The following ARHGAP32 variants were observed in gnomAD, a reference collection of about 807,000 sequenced individuals.
The protein encoded by ARHGAP32 is rho GTPase-activating protein 32.
In ARHGAP32, 51 loss-of-function variants were observed where a neutral mutation model predicts 186.5. The observed-to-expected ratio is 0.27, with a 90% CI of 0.22 to 0.35. The LOEUF (loss-of-function observed/expected upper bound fraction) is 0.35, where lower values mean the gene tolerates loss of function less well. ARHGAP32 is among the 10% of genes least tolerant of loss of function. The pLI, the probability that ARHGAP32 is intolerant of heterozygous loss-of-function variation, is 1.00. For missense variants in ARHGAP32, 2,186 were observed against 2,623.5 expected, an observed-to-expected ratio of 0.83 and a Z score of 3.64; for synonymous variants, 950 against 964.3, an observed-to-expected ratio of 0.99 and a Z score of 0.27.
intron 3 of ARHGAP32, among the ~76,000 whole-genome samples, chr11:129,124,364 G>A (rs148485758): frequency 4.2e-4 from 64 of 152,218 alleles, no homozygotes; most frequent in Non-Finnish European, 8.5e-4. Flanking sequence ...GAGCACTTTG[G>A]ATTTCATAGC....
intron 11 of ARHGAP32, among the ~76,000 whole-genome samples, chr11:129,013,343 T>A (rs1374229852): frequency 6.6e-6 from 1 of 152,188 alleles, no homozygotes; most frequent in Non-Finnish European, 1.5e-5. Context: ...ACATCTAAAC[T>A]GGGTGTGTGA....
intron 10 of ARHGAP32, among the ~76,000 whole-genome samples, chr11:129,061,532 A>G (rs980279252): frequency 6.6e-6 from 1 of 152,200 alleles, no homozygotes; most frequent in Non-Finnish European, 1.5e-5. Flanking sequence ...ATTAAGTCAA[A>G]TAAGGATTAC....
At chr11:129,135,087 T>A (rs1942904819) in intron 2 of ARHGAP32, among the ~76,000 whole-genome samples, 1 of 152,196 alleles carries the variant, frequency 6.6e-6, no homozygotes, top group South Asian at 2.1e-4. Context: ...CACATGTGCC[T>A]CATTTGCATA....
At chr11:129,250,179 T>G (rs1405734605) in intron 1 of ARHGAP32, among the ~76,000 whole-genome samples, 4 of 152,134 alleles carry the variant, frequency 2.6e-5, no homozygotes, top group African/African-American at 4.8e-5. Context: ...ATCACACCAC[T>G]GCACTCCAGC....
rs765032782 is a variant in ARHGAP32 at position 128,974,222 on chromosome 11, T to C, written c.2975A>G (p.Asp992Gly). 8.7e-6 allele frequency: 14 copies of C among 1,614,082 alleles called. No individual in the cohort carries two copies. Among genetic ancestry groups the C allele is most frequent in the Non-Finnish European group, 1.1e-5 (13 of 1,180,046 alleles). ...EAYESEVQPLDQVAAEEVELP... is the reference protein window; with the variant it reads ...EAYESEVQPLGQVAAEEVELP... Reference sequence around the variant, plus strand: ...TTCTACTTCTTCAGCAGCCACCTGGTCCAGGGGCTGGACTTCAGATTCATA... The same window carrying C: ...TTCTACTTCTTCAGCAGCCACCTGGCCCAGGGGCTGGACTTCAGATTCATA... Residue 992 changes from aspartate to glycine, a missense_variant, in exon 21 of 23, where the codon GAC (aspartate) becomes GGC (glycine). Asp to Gly is a moderately conservative substitution (Grantham distance 94, BLOSUM62 -1). Coordinates refer to ENST00000682385, the MANE Select transcript of ARHGAP32 (RefSeq NM_001378024.1).
chr11:129,133,248 A>C (rs1438208254), intron 2 of ARHGAP32, among the ~76,000 whole-genome samples: 3 of 152,232 alleles, frequency 2.0e-5, no homozygotes, highest in Non-Finnish European at 4.4e-5. Flanking sequence ...AAAGACTGAC[A>C]AAATATGAAC....
chr11:129,011,137 T>C (rs141536361), intron 11 of ARHGAP32, among the ~76,000 whole-genome samples: 3 of 152,328 alleles, frequency 2.0e-5, no homozygotes, highest in Non-Finnish European at 4.4e-5. Context: ...AATACGGATA[T>C]AGCCAGCATT....
intron 11 of ARHGAP32, among the ~76,000 whole-genome samples, chr11:129,010,817 C>G (rs561108356): frequency 1.3e-5 from 2 of 152,130 alleles, no homozygotes; most frequent in East Asian, 3.9e-4. Flanking sequence ...AGATTTTGTC[C>G]AAAACTTCCA....
intron 5 of ARHGAP32, among the ~76,000 whole-genome samples, chr11:129,114,619 T>C (rs1942314448): frequency 6.6e-6 from 1 of 152,148 alleles, no homozygotes; most frequent in African/African-American, 2.4e-5. Context: ...CTATACACTA[T>C]GAAGGACTGA....
At position 129,226,212 on chromosome 11, in the gene ARHGAP32, G is replaced by A. The variant is rs1944779928; in HGVS notation, c.-5+52934C>T. Among the ~76,000 whole-genome samples, 4 of 152,130 alleles carry A rather than the reference G, an allele frequency of 2.6e-5. No homozygotes were observed. The South Asian group carries it at 8.3e-4, about 31-fold the overall frequency. On this transcript the variant is annotated intron_variant, in intron 1 of 6. Coordinates refer to the ARHGAP32 transcript ENST00000525234. The stretch of plus-strand genomic sequence containing the variant: ...TGAGAGGGGAGGAGAGAAAGGAACA[G>A]AAGGACTATTTAAAGAAATCATGGC...
chr11:129,244,245 A>C (rs963330365), intron 1 of ARHGAP32, among the ~76,000 whole-genome samples: 4 of 152,236 alleles, frequency 2.6e-5, no homozygotes, highest in African/African-American at 9.6e-5. Flanking sequence ...GAAAAAAAGA[A>C]AGAAAACTGA....
intron 1 of ARHGAP32, among the ~76,000 whole-genome samples, chr11:129,248,212 CA>C (rs61454534): frequency 0.37 from 44,832 of 121,998 alleles, 6,983 homozygotes; most frequent in Middle Eastern, 0.5. Context: ...TTGGCTGTCT[CA>C]AAAAAAAAAA....
chr11:129,265,838 A>G (rs1396892341), intron 1 of ARHGAP32, among the ~76,000 whole-genome samples: 2 of 152,192 alleles, frequency 1.3e-5, no homozygotes, highest in Non-Finnish European at 2.9e-5. Flanking sequence ...TGAGGTGACC[A>G]TTTCACACAT....
chr11:129,063,836 A>G, intron 9 of ARHGAP32, 66 bp downstream of exon 9: 1 of 1,509,366 alleles, frequency 6.6e-7, no homozygotes, highest in Non-Finnish European at 8.9e-7. Flanking sequence ...ATGGTTAAGA[A>G]CAGTCAAAGA....
At chr11:129,262,455 C>T (rs926975511) in intron 1 of ARHGAP32, among the ~76,000 whole-genome samples, 7 of 151,810 alleles carry the variant, frequency 4.6e-5, no homozygotes, top group African/African-American at 1.2e-4. Flanking sequence ...GCAATCTTGG[C>T]TCACCGCAGC....
At chr11:129,026,134 C>T (rs1001583583) in intron 11 of ARHGAP32, among the ~76,000 whole-genome samples, 2 of 151,962 alleles carry the variant, frequency 1.3e-5, no homozygotes, top group African/African-American at 4.8e-5. Flanking sequence ...GGAGTAAGGT[C>T]TGCATCTAGT....
intron 1 of ARHGAP32, among the ~76,000 whole-genome samples, chr11:129,250,632 T>C (rs1945169082): frequency 6.6e-6 from 1 of 152,300 alleles, no homozygotes; most frequent in Admixed American, 6.5e-5. Context: ...CCTCCTACCA[T>C]CCAAAGTGAA....
chr11:129,167,486 T>C (rs1039875961), intron 1 of ARHGAP32, among the ~76,000 whole-genome samples: 1 of 152,074 alleles, frequency 6.6e-6, no homozygotes, highest in Non-Finnish European at 1.5e-5. Flanking sequence ...AACTGAAGGA[T>C]AAATAAGCAA....
intron 1 of ARHGAP32, among the ~76,000 whole-genome samples, chr11:129,250,376 A>T (rs1393717808): frequency 6.6e-6 from 1 of 152,210 alleles, no homozygotes; most frequent in African/African-American, 2.4e-5. Flanking sequence ...ATAACCTGTG[A>T]AATGATAACT....
Sources: allele counts gnomAD v4.1 joint callset (sites outside exome capture counted in the v4.1 genomes callset), GRCh38; gene constraint gnomAD v4.1.1; transcripts MANE v1.5; gene names NCBI Gene and HGNC (gene_info 2026-07-23, HGNC 2026-07-21).